Variants in PDIA5 observed in about 807,000 individuals in gnomAD.
PDIA5 encodes the protein protein disulfide isomerase family A member 5.
In PDIA5, 58 loss-of-function variants were observed where a neutral mutation model predicts 77.6. The ratio of observed to expected loss-of-function variants is 0.75; its 90% confidence interval spans 0.61 to 0.93. PDIA5 has a LOEUF of 0.93. Among genes scored for constraint, PDIA5 ranks in the 40% least tolerant of loss-of-function variants. The pLI is 0.00. For missense variants in PDIA5, 630 were observed against 647.7 expected (o/e 0.97, Z 0.30); for synonymous variants, 250 against 252.1 (o/e 0.99, Z 0.08).
intron 1 of PDIA5, among the ~76,000 whole-genome samples, chr3:123,081,589 A>C (rs999883544): frequency 6.6e-6 from 1 of 152,244 alleles, no homozygotes; most frequent in East Asian, 1.9e-4. Flanking sequence ...AGTTCTTAAC[A>C]TAAGGGTATC....
chr3:123,103,835 G>C (rs75894247), intron 5 of PDIA5, among the ~76,000 whole-genome samples: 1,613 of 152,336 alleles, frequency 0.011, 30 homozygotes, highest in African/African-American at 0.037. Context: ...GTCAACCGAA[G>C]TTCTTGGAGA....
chr3:123,087,090 T>C (rs1276462139), intron 1 of PDIA5, among the ~76,000 whole-genome samples: 1 of 152,256 alleles, frequency 6.6e-6, no homozygotes, highest in African/African-American at 2.4e-5. Flanking sequence ...GTGATGTATT[T>C]TGGTAAGAGT....
chr3:123,069,769 A>G (rs776809073), intron 1 of PDIA5, among the ~76,000 whole-genome samples: 7 of 152,068 alleles, frequency 4.6e-5, no homozygotes, highest in African/African-American at 1.4e-4. Context: ...GGATTTTAAC[A>G]TATGAATTTT....
intron 7 of PDIA5, among the ~76,000 whole-genome samples, chr3:123,115,390 G>T (rs1934970281): frequency 6.6e-6 from 1 of 152,146 alleles, no homozygotes; most frequent in African/African-American, 2.4e-5. Flanking sequence ...TTGAGTCCAG[G>T]AGTTCAAGGC....
chr3:123,075,366 G>T (rs1340887460), intron 1 of PDIA5, among the ~76,000 whole-genome samples: 1 of 152,186 alleles, frequency 6.6e-6, no homozygotes, highest in East Asian at 1.9e-4. Flanking sequence ...AGGGTAGACT[G>T]AGTGAGCTGT....
intron 8 of PDIA5, among the ~76,000 whole-genome samples, chr3:123,116,562 T>C (rs1051787791): frequency 2.0e-5 from 3 of 152,160 alleles, no homozygotes; most frequent in Non-Finnish European, 4.4e-5. Context: ...AAGATGCACA[T>C]GTGGCATTGT....
At chr3:123,084,194 A>T (rs1443985255) in intron 1 of PDIA5, among the ~76,000 whole-genome samples, 1 of 152,004 alleles carries the variant, frequency 6.6e-6, no homozygotes, top group Non-Finnish European at 1.5e-5. Flanking sequence ...TCTTCATGGG[A>T]TACAACTTAT....
intron 10 of PDIA5, among the ~76,000 whole-genome samples, chr3:123,126,323 C>A (rs1475670986): frequency 6.6e-6 from 1 of 152,078 alleles, no homozygotes; most frequent in African/African-American, 2.4e-5. Context: ...ACCCCATCCC[C>A]ACTTCCTACT....
At chr3:123,161,238 G>A (rs1936152623) in intron 15 of PDIA5, 83 bp from the exon 16 acceptor site, 1 of 1,432,710 alleles carries the variant, frequency 7.0e-7, no homozygotes, top group Admixed American at 2.0e-5. Flanking sequence ...CTGTGACGTG[G>A]ACTAGATGTG....
At chr3:123,135,658 C>A (rs1170408184) in intron 11 of PDIA5, among the ~76,000 whole-genome samples, 2 of 150,336 alleles carry the variant, frequency 1.3e-5, no homozygotes, top group Admixed American at 1.3e-4. Context: ...CAATATATAA[C>A]CTTTGTAGAA....
At chr3:123,142,455 G>T (rs1183236223) in intron 11 of PDIA5, among the ~76,000 whole-genome samples, 1 of 152,276 alleles carries the variant, frequency 6.6e-6, no homozygotes, top group East Asian at 1.9e-4. Flanking sequence ...TTCATTTCTG[G>T]AAAGTGATAT....
At position 123,116,316 on chromosome 3, in the gene PDIA5, G is replaced by A; in HGVS notation, c.609+18G>A. On this transcript the variant is annotated intron_variant, in intron 8 of 16. Coordinates refer to ENST00000316218, the MANE Select transcript of PDIA5 (RefSeq NM_006810.4). ...GCCACGCCGTAAGTGAGGCGCCATT[G>A]CCTGGCAGGGCTGGGTCACTCTTGG... The A allele has an allele frequency of 1.2e-6, 2 of 1,606,364 alleles. No homozygotes were observed. Among genetic ancestry groups the A allele is most frequent in the Non-Finnish European group, 8.5e-7 (1 of 1,175,024 alleles).
At chr3:123,113,605 G>A (rs565435759) in intron 7 of PDIA5, among the ~76,000 whole-genome samples, 10 of 152,156 alleles carry the variant, frequency 6.6e-5, no homozygotes, top group Non-Finnish European at 1.5e-4. Flanking sequence ...ACGTGTGTAT[G>A]ATTTTTTACA....
Position 123,094,589 on chromosome 3 carries a change from C to T in PDIA5, c.257+2147C>T, listed in dbSNP as rs573156533. Among the ~76,000 whole-genome samples the T allele has an allele frequency of 9.2e-4, 140 of 152,364 alleles. 1 individual carries two copies. Among genetic ancestry groups the T allele is most frequent in the Non-Finnish European group, 1.7e-3 (113 of 68,040 alleles). ...TCCACAGAGCCCTGCGTTGACAGCT[C>T]TCGCAGTTTTCCTAAGTGTGTCCAG... On this transcript the variant is annotated intron_variant, in intron 3 of 16. Transcript: ENST00000316218.
chr3:123,114,422 C>T (rs576755635), intron 7 of PDIA5, among the ~76,000 whole-genome samples: 95 of 152,310 alleles, frequency 6.2e-4, no homozygotes, highest in Middle Eastern at 6.8e-3. Context: ...GAATGTTCCC[C>T]GGCTCTATCT....
intron 6 of PDIA5, 54 bp downstream of exon 6, chr3:123,106,895 G>A (rs1312520807): frequency 2.2e-5 from 27 of 1,221,392 alleles, no homozygotes; most frequent in Admixed American, 2.1e-4. Context: ...CTGGTACCAG[G>A]GCCTCCCAAG....
intron 8 of PDIA5, among the ~76,000 whole-genome samples, chr3:123,120,468 C>G (rs1935088077): frequency 6.6e-6 from 1 of 152,268 alleles, no homozygotes; most frequent in Non-Finnish European, 1.5e-5. Flanking sequence ...TTCCCTACAG[C>G]TGCCCTGCAC....
chr3:123,097,889 G>A (rs1392154259), intron 3 of PDIA5, among the ~76,000 whole-genome samples: 1 of 152,150 alleles, frequency 6.6e-6, no homozygotes, highest in African/African-American at 2.4e-5. Flanking sequence ...TGGGCACAAA[G>A]TTAATGTTAA....
At chr3:123,142,468 T>C (rs1277239093) in intron 11 of PDIA5, among the ~76,000 whole-genome samples, 1 of 152,250 alleles carries the variant, frequency 6.6e-6, no homozygotes, top group Non-Finnish European at 1.5e-5. Flanking sequence ...AGTGATATTC[T>C]TGTCATTCAA....
Sources: gnomAD v4.1 joint callset for allele counts (sites outside exome capture counted in the v4.1 genomes callset) on GRCh38, gnomAD v4.1.1 for gene constraint, MANE v1.5 for transcripts, NCBI Gene and HGNC (gene_info 2026-07-23, HGNC 2026-07-21) for gene names.